MGMT: variants seen among roughly 807,000 people sequenced by gnomAD.
The protein encoded by MGMT is methylated-DNA--protein-cysteine methyltransferase.
A neutral mutation model predicts 15.9 loss-of-function variants in MGMT; 14 were observed. The ratio of observed to expected loss-of-function variants is 0.88; its 90% CI spans 0.58 to 1.37. The LOEUF is 1.37. Ranked by LOEUF, MGMT falls within the 40% of genes most tolerant of loss-of-function variation. MGMT has a pLI of 0.00. For missense variants in MGMT, 282 were observed against 268.1 expected (o/e 1.05, Z -0.36); for synonymous variants, 130 against 118.2 (o/e 1.10, Z -0.65).
At chr10:129,561,388 C>T (rs762316238) in intron 2 of MGMT, among the ~76,000 whole-genome samples, 12 of 152,210 alleles carry the variant, frequency 7.9e-5, no homozygotes, top group South Asian at 2.1e-4. Context: ...CCATTCCACA[C>T]GAGACCCCAG....
At chr10:129,591,692 G>T (rs1420062590) in intron 2 of MGMT, among the ~76,000 whole-genome samples, 1 of 152,238 alleles carries the variant, frequency 6.6e-6, no homozygotes, top group African/African-American at 2.4e-5. Flanking sequence ...AGCACTTTGG[G>T]AGGCCGAGGT....
chr10:129,657,411 G>T (rs549527601), intron 2 of MGMT, among the ~76,000 whole-genome samples: 5 of 151,498 alleles, frequency 3.3e-5, no homozygotes, highest in South Asian at 2.1e-4. Context: ...GTGGGGGTGG[G>T]GGGGGGAGCA....
chr10:129,732,746 G>A (rs1416570126), intron 3 of MGMT, among the ~76,000 whole-genome samples: 42 of 129,380 alleles, frequency 3.2e-4, no homozygotes, highest in South Asian at 1.3e-3. Flanking sequence ...TGTGATGTTC[G>A]CCTTCCTGTG....
intron 1 of MGMT, among the ~76,000 whole-genome samples, chr10:129,488,581 T>C (rs1845436859): frequency 6.6e-6 from 1 of 152,240 alleles, no homozygotes; most frequent in Admixed American, 6.5e-5. Flanking sequence ...TGCATGTAAT[T>C]GAATTTATGA....
chr10:129,697,728 C>A (rs1034971150), intron 2 of MGMT, among the ~76,000 whole-genome samples: 1 of 152,166 alleles, frequency 6.6e-6, no homozygotes, highest in South Asian at 2.1e-4. Context: ...GACGTCGAGG[C>A]GCCATGTTGC....
At chr10:129,475,839 T>C (rs1177676530) in intron 1 of MGMT, among the ~76,000 whole-genome samples, 1 of 152,246 alleles carries the variant, frequency 6.6e-6, no homozygotes, top group Non-Finnish European at 1.5e-5. Context: ...AAGTTAGTGT[T>C]CTTAAAGTTC....
In MGMT at chr10:129,529,245, G is replaced by A. The variant is rs558767223; in HGVS notation, c.-12-6996G>A. Among the ~76,000 whole-genome samples, 31 of 152,102 alleles carry A rather than the reference G, an allele frequency of 2.0e-4. No individual in the cohort carries two copies. In the South Asian group the frequency reaches 6.0e-3, roughly 30 times the overall value. On this transcript the variant is annotated intron_variant, in intron 1 of 4. Coordinates refer to ENST00000651593, the MANE Select transcript of MGMT (RefSeq NM_002412.5). Reference sequence around the variant, plus strand: ...CCAGAGAAGGAAGTGTGGGCCTGCCGAATTTGGGACCATTTGGGCTAGGGG... The same window carrying A: ...CCAGAGAAGGAAGTGTGGGCCTGCCAAATTTGGGACCATTTGGGCTAGGGG...
intron 2 of MGMT, among the ~76,000 whole-genome samples, chr10:129,546,121 A>G (rs1425509987): frequency 6.6e-6 from 1 of 152,256 alleles, no homozygotes; most frequent in African/African-American, 2.4e-5. Context: ...TTACTCGCTC[A>G]TTCTCTAAAC....
At chr10:129,687,947 G>A (rs1375564888) in intron 2 of MGMT, among the ~76,000 whole-genome samples, 2 of 151,918 alleles carry the variant, frequency 1.3e-5, no homozygotes, top group African/African-American at 2.4e-5. Context: ...AACACATGGT[G>A]TTTGGTTTTC....
intron 2 of MGMT, among the ~76,000 whole-genome samples, chr10:129,561,008 A>G (rs1846271730): frequency 7.6e-6 from 1 of 131,012 alleles, no homozygotes; most frequent in Non-Finnish European, 1.7e-5. Context: ...TTCCTTTCCC[A>G]GCCAGCAGTG....
chr10:129,499,954 A>G (rs1845558787), intron 1 of MGMT, among the ~76,000 whole-genome samples: 1 of 152,222 alleles, frequency 6.6e-6, no homozygotes. Flanking sequence ...TATTTTTGGA[A>G]GGGAGAGAAT....
At chr10:129,565,061 G>A (rs905623173) in intron 2 of MGMT, among the ~76,000 whole-genome samples, 7 of 152,214 alleles carry the variant, frequency 4.6e-5, no homozygotes, top group African/African-American at 7.2e-5. Context: ...ACATTCTGCC[G>A]TCTTGGGAAG....
intron 1 of MGMT, among the ~76,000 whole-genome samples, chr10:129,467,737 G>A (rs1845185771): frequency 6.6e-6 from 1 of 152,196 alleles, no homozygotes; most frequent in Admixed American, 6.5e-5. Flanking sequence ...TCCTGCTGGA[G>A]GCCAAGTTCT....
intron 3 of MGMT, among the ~76,000 whole-genome samples, chr10:129,731,834 G>A (rs376049340): frequency 1.3e-5 from 2 of 152,310 alleles, no homozygotes; most frequent in South Asian, 4.1e-4. Flanking sequence ...CATTTTTGCA[G>A]AATGGAATGC....
chr10:129,508,297 T>C (rs12249593), intron 1 of MGMT, among the ~76,000 whole-genome samples: 33,004 of 151,998 alleles, frequency 0.22, 4,194 homozygotes, highest in Non-Finnish European at 0.28. Context: ...TGGCAGGTCC[T>C]AGAAGGTATG....
chr10:129,523,627 G>A (rs762619379), intron 1 of MGMT, among the ~76,000 whole-genome samples: 4 of 152,168 alleles, frequency 2.6e-5, no homozygotes, highest in African/African-American at 4.8e-5. Flanking sequence ...CGTGGAATCC[G>A]TCTTGCTTTC....
At chr10:129,716,871 G>T (rs1193481906) in intron 3 of MGMT, among the ~76,000 whole-genome samples, 2 of 152,174 alleles carry the variant, frequency 1.3e-5, no homozygotes, top group African/African-American at 4.8e-5. Flanking sequence ...CGGTTTAAAA[G>T]AAGATAACAA....
At chr10:129,640,006 A>G (rs1005510657) in intron 2 of MGMT, among the ~76,000 whole-genome samples, 2 of 151,364 alleles carry the variant, frequency 1.3e-5, no homozygotes, top group African/African-American at 4.8e-5. Context: ...GAGAGGGGCC[A>G]TTGCTACAAA....
intron 2 of MGMT, among the ~76,000 whole-genome samples, chr10:129,596,675 C>A (rs889296855): frequency 7.9e-5 from 12 of 152,210 alleles, no homozygotes; most frequent in Non-Finnish European, 1.8e-4. Flanking sequence ...TAGGATTGCA[C>A]CTGCTTTTGA....
Sources: gnomAD v4.1 joint callset for allele counts (sites outside exome capture counted in the v4.1 genomes callset) on GRCh38, gnomAD v4.1.1 for gene constraint, MANE v1.5 for transcripts, NCBI Gene and HGNC (gene_info 2026-07-23, HGNC 2026-07-21) for gene names.